Variants in C4orf50 observed in about 807,000 individuals in gnomAD.
The protein encoded by C4orf50 is uncharacterized protein C4orf50.
In C4orf50, 80 loss-of-function variants were observed where a neutral mutation model predicts 77.2. That is an observed-to-expected ratio of 1.04 (90% CI 0.87 to 1.25). The LOEUF (loss-of-function observed/expected upper bound fraction) is 1.25. Ranked by LOEUF, C4orf50 falls within the 50% of genes most tolerant of loss-of-function variation. C4orf50 has a pLI of 0.00. For missense variants in C4orf50, 1,257 were observed against 1,152.9 expected, an observed-to-expected ratio of 1.09 and a Z score of -1.31; for synonymous variants, 532 against 465.3, an observed-to-expected ratio of 1.14 and a Z score of -1.84.
At chr4:5,921,190 C>T (rs10937692) in intron 7 of C4orf50, among the ~76,000 whole-genome samples, 62,468 of 152,084 alleles carry the variant, frequency 0.41, 15,828 homozygotes, top group East Asian at 0.81. Context: ...AGGTGTCCGG[C>T]GGGGATGTGC....
At position 6,011,886 on chromosome 4, in the gene C4orf50, C is replaced by T. The variant is rs566364284; in HGVS notation, c.370G>A (p.Ala124Thr). ...AGCTTCTCCTGGGCCTGGAGCCAGG[C>T]GCTTCTCTCCTGGGCCACGTGGGTG... Residue 124 changes from alanine (A) to threonine (T), a missense_variant, in exon 24 of 34, where the codon GCC becomes ACC. Ala to Thr is a moderately conservative substitution (Grantham distance 58). Coordinates refer to ENST00000531445, the Ensembl canonical transcript of C4orf50. The surrounding 1 kb of genome is among the most constrained non-coding windows in gnomAD (Gnocchi z 4.2). 2.2e-4 allele frequency: 89 copies of T among 399,046 alleles called. No individual in the cohort carries two copies. Among genetic ancestry groups the T allele is most frequent in the African/African-American group, 1.3e-3 (65 of 48,762 alleles). The allele number at this position is 399,046 out of a possible 1,614,324, so 24.7% of individuals were successfully genotyped here.
chr4:5,974,565 ACT>A (rs1271906198), intron 30 of C4orf50, among the ~76,000 whole-genome samples: 1 of 152,060 alleles, frequency 6.6e-6, no homozygotes, highest in Non-Finnish European at 1.5e-5. Context: ...AGGGAGGATG[ACT>A]CTGCAGGTCA....
intron 25 of C4orf50, among the ~76,000 whole-genome samples, chr4:6,004,042 G>GTGATGGTGA (rs1479290618): frequency 4.6e-5 from 1 of 21,678 alleles, no homozygotes; most frequent in Non-Finnish European, 9.9e-5. Flanking sequence ...AGTGATGATG[G>GTGATGGTGA]TGATGGTGAT....
At chr4:5,957,054 G>C (rs1278466457), downstream of C4orf50, 1 of 152,288 alleles carries the variant, frequency 6.6e-6, no homozygotes, top group Non-Finnish European at 1.5e-5. Context: ...CAAAGCTTGA[G>C]CCGACCCAAA....
intron 25 of C4orf50, among the ~76,000 whole-genome samples, chr4:5,997,889 GCT>G (rs1560594034): frequency 6.6e-6 from 1 of 152,130 alleles, no homozygotes; most frequent in Non-Finnish European, 1.5e-5. Flanking sequence ...AATATTCTCT[GCT>G]ATAAGGGAGA....
chr4:5,935,359 T>A (rs1408403751), intron 7 of C4orf50, among the ~76,000 whole-genome samples: 2 of 152,102 alleles, frequency 1.3e-5, no homozygotes, highest in African/African-American at 4.8e-5. Flanking sequence ...CTGGCTTGAG[T>A]TCTAGGTGAA....
At chr4:5,930,726 T>C (rs1171242728) in intron 7 of C4orf50, among the ~76,000 whole-genome samples, 3 of 152,176 alleles carry the variant, frequency 2.0e-5, no homozygotes, top group Non-Finnish European at 4.4e-5. Context: ...AGTGAACATA[T>C]GTGTTACAGT....
At chr4:5,968,756 T>C (rs1440558278) in intron 31 of C4orf50, among the ~76,000 whole-genome samples, 1 of 152,208 alleles carries the variant, frequency 6.6e-6, no homozygotes, top group Non-Finnish European at 1.5e-5. Flanking sequence ...CCCCTGGGTT[T>C]AGAGTCAGGT....
intron 29 of C4orf50, among the ~76,000 whole-genome samples, chr4:5,977,102 C>A (rs369099296): frequency 6.6e-6 from 1 of 152,204 alleles, no homozygotes; most frequent in African/African-American, 2.4e-5. Flanking sequence ...CGCCACCCTG[C>A]AGAGGGGGCA....
chr4:5,988,276 A>G (rs1720988396), intron 28 of C4orf50, 71 bp downstream of exon 6: 2 of 1,556,698 alleles, frequency 1.3e-6, no homozygotes, highest in Non-Finnish European at 8.7e-7. Flanking sequence ...GGTGAATTGC[A>G]TAAGTGAATG....
chr4:5,919,735 C>A lies in C4orf50; in HGVS notation c.*2475-21547G>T, dbSNP rs926238200. 2.6e-5 allele frequency among the ~76,000 whole-genome samples: 4 copies of A among 152,156 alleles called. No individual in the cohort carries two copies. The highest frequency in any genetic ancestry group is 4.4e-5 in the Non-Finnish European group (3 of 68,036). On this transcript the variant is annotated intron_variant, in intron 7 of 7. Coordinates refer to the C4orf50 transcript ENST00000324058. This position sits in a 1 kb window ranked among gnomAD's most constrained non-coding sequence, Gnocchi z 6.5. ...CTACTGGGCCCTGGAGGGACCACAC[C>A]AGCTGAAACCGCTGCCATGGCAGAC...
intron 7 of C4orf50, among the ~76,000 whole-genome samples, chr4:5,927,369 T>C (rs543870715): frequency 3.7e-4 from 57 of 152,142 alleles, no homozygotes; most frequent in Non-Finnish European, 6.9e-4. Flanking sequence ...CCCAAGCCCC[T>C]TTGTTTCCCC....
chr4:5,948,387 G>C (rs182415876), intron 7 of C4orf50, among the ~76,000 whole-genome samples: 226 of 152,326 alleles, frequency 1.5e-3, no homozygotes, highest in African/African-American at 4.8e-3. Flanking sequence ...AGCCAGGGCT[G>C]GGCGTGGTGG....
At chr4:5,993,592 G>A (rs1038215684) in intron 26 of C4orf50, among the ~76,000 whole-genome samples, 13 of 152,234 alleles carry the variant, frequency 8.5e-5, no homozygotes, top group African/African-American at 3.1e-4. Flanking sequence ...TGAGGTGGGC[G>A]GATCACATAA....
rs899564649 is a variant in C4orf50 at position 6,011,823 on chromosome 4, A to G, written c.426+7T>C. 2.5e-6 allele frequency: 1 copy of G among 399,118 alleles called. No individual in the cohort carries two copies. The highest frequency in any genetic ancestry group is 4.4e-6 in the Non-Finnish European group (1 of 226,142). 24.7% of individuals were successfully genotyped at this position (399,118 alleles called of 1,614,324 possible). On this transcript the variant is annotated splice_region_variant and intron_variant, in intron 24 of 33. Coordinates refer to ENST00000531445, the Ensembl canonical transcript of C4orf50. This position sits in a 1 kb window ranked among gnomAD's most constrained non-coding sequence, Gnocchi z 4.2. ...AACAGGGCCTGGAAAGGAGAAGGAAACGGTACCTGGCTGGCCAGCTCCCCC... is the reference window on the plus strand; with the variant it reads ...AACAGGGCCTGGAAAGGAGAAGGAAGCGGTACCTGGCTGGCCAGCTCCCCC...
chr4:5,973,879 CA>C, intron 30 of C4orf50, 38 bp from the exon 9 acceptor site: 1 of 1,533,494 alleles, frequency 6.5e-7, no homozygotes, highest in Middle Eastern at 1.9e-4. Context: ...GAGCTCCCAC[CA>C]GGGCTGCATG....
intron 25 of C4orf50, among the ~76,000 whole-genome samples, chr4:6,006,343 G>A (rs1043019780): frequency 1.3e-5 from 2 of 152,310 alleles, no homozygotes; most frequent in East Asian, 1.9e-4. Flanking sequence ...GAGCCACAGC[G>A]GGGAGGCAGG....
chr4:5,975,139 CAAAAAAAAAAAAA>C lies in C4orf50; in HGVS notation c.3921+747_3921+759del, dbSNP rs763836859. On this transcript the variant is annotated intron_variant, in intron 30 of 33. Coordinates refer to ENST00000531445, the Ensembl canonical transcript of C4orf50. ...TGGGCGACAGAGTGACACTCCATCT[CAAAAAAAAAAAAA>C]AAAAAAAAAAAAAAAAAAAAAAAAA... Among the ~76,000 whole-genome samples the C allele has an allele frequency of 1.6e-3, 130 of 82,850 alleles. 3 individuals carry two copies. Among genetic ancestry groups the C allele is most frequent in the Non-Finnish European group, 2.1e-3 (86 of 41,510 alleles). 54.4% of individuals were successfully genotyped at this position (82,850 alleles called of 152,430 possible). A position where few individuals can be genotyped will look rare whatever the true frequency, so the allele number is the denominator to read the frequency against.
At chr4:5,990,105 C>T in exon 28 of C4orf50, 1 of 1,283,972 alleles carries the variant, frequency 7.8e-7, no homozygotes, top group South Asian at 3.3e-5. Context: ...ATCCTTCCAC[C>T]CTTTCCCTCC....
Sources: gnomAD v4.1 joint callset for allele counts (sites outside exome capture counted in the v4.1 genomes callset) on GRCh38, gnomAD v4.1.1 for gene constraint, Gnocchi (gnomAD v3.1) non-coding constraint, MANE v1.5 for transcripts, NCBI Gene and HGNC (gene_info 2026-07-23, HGNC 2026-07-21) for gene names.